Variants in ROBO2 observed in about 807,000 individuals in gnomAD.
ROBO2 encodes the protein roundabout guidance receptor 2.
In ROBO2, 53 loss-of-function variants were observed where a neutral mutation model predicts 160.8. That is an observed-to-expected ratio of 0.33 (90% CI 0.26 to 0.41). The LOEUF is 0.41. Ranked by LOEUF, ROBO2 falls within the 10% of genes least tolerant of loss-of-function variation. The pLI is 1.00. For synonymous variants in ROBO2, 664 were observed against 611.7 expected, an observed-to-expected ratio of 1.09 and a Z score of -1.26; for missense variants, 1,577 against 1,722.4, an observed-to-expected ratio of 0.92 and a Z score of 1.49.
intron 2 of ROBO2, among the ~76,000 whole-genome samples, chr3:76,507,961 G>A (rs574867484): frequency 1.8e-4 from 27 of 152,238 alleles, no homozygotes; most frequent in African/African-American, 6.3e-4. Flanking sequence ...ACAAAGGGTT[G>A]TATAATGAAC....
intron 2 of ROBO2, among the ~76,000 whole-genome samples, chr3:75,975,457 T>C (rs963473371): frequency 2.0e-5 from 3 of 151,374 alleles, no homozygotes; most frequent in Non-Finnish European, 4.4e-5. Context: ...TCATCTACTC[T>C]TTATTTATAT....
At chr3:76,336,148 A>G (rs1369246158) in intron 2 of ROBO2, among the ~76,000 whole-genome samples, 2 of 152,200 alleles carry the variant, frequency 1.3e-5, no homozygotes, top group Admixed American at 6.5e-5. Context: ...ATTGATATAC[A>G]GTGACCTAAA....
chr3:77,523,185 C>T (rs892737772), intron 6 of ROBO2, among the ~76,000 whole-genome samples: 5 of 151,300 alleles, frequency 3.3e-5, no homozygotes. Context: ...TAGAAAAGAT[C>T]TATACTACTC....
chr3:76,382,053 C>T (rs1050971887), intron 2 of ROBO2, among the ~76,000 whole-genome samples: 2 of 152,044 alleles, frequency 1.3e-5, no homozygotes, highest in African/African-American at 2.4e-5. Flanking sequence ...CTCACTACAA[C>T]CTCAATGTCC....
intron 8 of ROBO2, among the ~76,000 whole-genome samples, chr3:77,553,442 C>T (rs189598365): frequency 3.0e-4 from 45 of 152,004 alleles, no homozygotes; most frequent in Middle Eastern, 3.4e-3. Context: ...AGTGAAAAGT[C>T]ACATGTCTCT....
chr3:76,555,357 AG>A lies in ROBO2; in HGVS notation c.110-542656del, dbSNP rs375023072. 3.2e-3 allele frequency among the ~76,000 whole-genome samples: 88 copies of A among 27,728 alleles called. 1 individual carries two copies. The highest frequency in any genetic ancestry group is 6.5e-3 in the East Asian group (3 of 462). 18.2% of individuals were successfully genotyped at this position (27,728 alleles called of 152,430 possible). On this transcript the variant is annotated intron_variant, in intron 2 of 26. Transcript: ENST00000487694. ...GAGGAAGAGGAGGAAGAGTAGGAAG[AG>A]AGAAGAAGAAGAAGAAGAAGAAGAA...
intron 2 of ROBO2, among the ~76,000 whole-genome samples, chr3:77,312,836 A>G (rs1369787908): frequency 1.3e-5 from 2 of 152,214 alleles, no homozygotes; most frequent in African/African-American, 4.8e-5. Flanking sequence ...TCAATATGGC[A>G]GCTACTCATG....
At chr3:76,080,833 C>T (rs7624572) in intron 2 of ROBO2, among the ~76,000 whole-genome samples, 6,466 of 152,112 alleles carry the variant, frequency 0.043, 306 homozygotes, top group African/African-American at 0.11. Flanking sequence ...TTTTTCTTTG[C>T]GGTACTGCAA....
At chr3:77,313,575 T>C (rs2063722715) in intron 2 of ROBO2, among the ~76,000 whole-genome samples, 1 of 152,004 alleles carries the variant, frequency 6.6e-6, no homozygotes, top group Non-Finnish European at 1.5e-5. Flanking sequence ...TTTTGCTTTG[T>C]TTTGTGTTTT....
At chr3:76,979,663 A>G (rs2059996306) in intron 2 of ROBO2, among the ~76,000 whole-genome samples, 2 of 150,128 alleles carry the variant, frequency 1.3e-5, no homozygotes, top group South Asian at 4.3e-4. Flanking sequence ...GTAGACACTC[A>G]GTAGTGGGGT....
intron 2 of ROBO2, among the ~76,000 whole-genome samples, chr3:76,917,250 C>A (rs554164258): frequency 6.0e-4 from 92 of 152,266 alleles, no homozygotes; most frequent in African/African-American, 2.1e-3. Flanking sequence ...GCTTATTATG[C>A]ACTAGGATCA....
intron 2 of ROBO2, among the ~76,000 whole-genome samples, chr3:76,701,811 AC>A (rs1405016830): frequency 4.0e-5 from 6 of 151,310 alleles, no homozygotes; most frequent in African/African-American, 1.5e-4. Flanking sequence ...GAGGTATACC[AC>A]CAATATATAA....
chr3:76,153,186 A>C (rs2072274599), intron 2 of ROBO2, among the ~76,000 whole-genome samples: 1 of 152,156 alleles, frequency 6.6e-6, no homozygotes, highest in Non-Finnish European at 1.5e-5. Context: ...TATACTCTTG[A>C]GAGGACTCAC....
At chr3:75,929,199 G>A (rs1947425303) in intron 1 of ROBO2, among the ~76,000 whole-genome samples, 1 of 151,544 alleles carries the variant, frequency 6.6e-6, no homozygotes, top group Non-Finnish European at 1.5e-5. Flanking sequence ...GTGTGTGTGT[G>A]TGTGTGTGTG....
chr3:76,460,985 A>G (rs1253139339), intron 2 of ROBO2, among the ~76,000 whole-genome samples: 2 of 152,210 alleles, frequency 1.3e-5, no homozygotes, highest in East Asian at 3.9e-4. Context: ...AAATCTTAAT[A>G]TAAGTCAGAA....
intron 2 of ROBO2, among the ~76,000 whole-genome samples, chr3:76,268,619 C>T (rs1400235): frequency 7.2e-5 from 11 of 152,108 alleles, no homozygotes; most frequent in Non-Finnish European, 1.2e-4. Context: ...AGGCTCCCAC[C>T]GTTAAGACCT....
At chr3:76,407,440 T>G (rs1207476602) in intron 2 of ROBO2, among the ~76,000 whole-genome samples, 1 of 151,966 alleles carries the variant, frequency 6.6e-6, no homozygotes, top group Non-Finnish European at 1.5e-5. Context: ...CCCAGACAGT[T>G]GTCTGATAGA....
intron 2 of ROBO2, among the ~76,000 whole-genome samples, chr3:76,537,137 G>A (rs976270464): frequency 6.6e-6 from 1 of 152,146 alleles, no homozygotes; most frequent in African/African-American, 2.4e-5. Context: ...GGATTCAGAG[G>A]ACTCTGAGGT....
intron 2 of ROBO2, among the ~76,000 whole-genome samples, chr3:76,236,267 G>A (rs1462728905): frequency 1.3e-5 from 2 of 152,012 alleles, no homozygotes; most frequent in Non-Finnish European, 2.9e-5. Context: ...TACAAAGCAT[G>A]TTTTTAATCC....
Sources: gnomAD v4.1 joint callset for allele counts (sites outside exome capture counted in the v4.1 genomes callset) on GRCh38, gnomAD v4.1.1 for gene constraint, MANE v1.5 for transcripts, NCBI Gene and HGNC (gene_info 2026-07-23, HGNC 2026-07-21) for gene names.